The following GSK3B variants were observed in gnomAD, a reference collection of about 807,000 sequenced individuals.
GSK3B encodes the protein glycogen synthase kinase-3 beta.
GSK3B carries 15 observed loss-of-function variants against 56.4 expected under a neutral mutation model. The ratio of observed to expected loss-of-function variants is 0.27; its 90% confidence interval spans 0.18 to 0.41. GSK3B has a LOEUF of 0.41. GSK3B is among the 10% of genes least tolerant of loss of function. The probability of loss-of-function intolerance (pLI) is 1.00; values close to 1 mark genes in which losing one functional copy is unlikely to be tolerated. For synonymous variants in GSK3B, 181 were observed against 188.9 expected (o/e 0.96, Z 0.34); for missense variants, 300 against 513.4 (o/e 0.58, Z 4.02).
At chr3:119,840,500 A>G (rs2055756373) in intron 10 of GSK3B, among the ~76,000 whole-genome samples, 2 of 152,182 alleles carry the variant, frequency 1.3e-5, no homozygotes, top group South Asian at 4.1e-4. Context: ...CTGGGATTAC[A>G]GGTGTGAGCC....
intron 2 of GSK3B, among the ~76,000 whole-genome samples, chr3:119,967,424 T>G (rs938533579): frequency 6.6e-6 from 1 of 152,136 alleles, no homozygotes; most frequent in Admixed American, 6.5e-5. Context: ...ATCCTAAAAT[T>G]CATATGGAAA....
chr3:119,908,400 T>C (rs1574154), intron 6 of GSK3B, among the ~76,000 whole-genome samples: 36,808 of 152,060 alleles, frequency 0.24, 4,905 homozygotes, highest in East Asian at 0.48. Context: ...AAATTTGCTC[T>C]TGGGGAGAGT....
At chr3:120,027,885 T>C (rs1296832470) in intron 1 of GSK3B, among the ~76,000 whole-genome samples, 4 of 152,222 alleles carry the variant, frequency 2.6e-5, no homozygotes, top group African/African-American at 9.7e-5. Context: ...AAAGATAAAT[T>C]TGCTTAAAGT....
At chr3:120,092,684 T>C (rs1035093501) in intron 1 of GSK3B, among the ~76,000 whole-genome samples, 3 of 152,220 alleles carry the variant, frequency 2.0e-5, no homozygotes, top group African/African-American at 7.2e-5. Flanking sequence ...ACTTATCCAA[T>C]TGAACACAAA....
chr3:119,975,016 T>C (rs557520089), intron 2 of GSK3B, among the ~76,000 whole-genome samples: 1 of 152,350 alleles, frequency 6.6e-6, no homozygotes, highest in South Asian at 2.1e-4. Context: ...CATAAAAACC[T>C]GCACATGAAT....
intron 1 of GSK3B, among the ~76,000 whole-genome samples, chr3:120,064,327 A>G (rs1450849383): frequency 6.6e-6 from 1 of 152,008 alleles, no homozygotes; most frequent in East Asian, 1.9e-4. Flanking sequence ...AAGTTGCAGA[A>G]TATAAGATCA....
At chr3:120,055,790 G>GAGGGTAT (rs2058187110) in intron 1 of GSK3B, among the ~76,000 whole-genome samples, 1 of 152,104 alleles carries the variant, frequency 6.6e-6, no homozygotes, top group African/African-American at 2.4e-5. Context: ...AAGAATATTA[G>GAGGGTAT]CCAATTGGAG....
At chr3:119,852,622 A>G (rs922763593) in intron 9 of GSK3B, among the ~76,000 whole-genome samples, 4 of 152,222 alleles carry the variant, frequency 2.6e-5, no homozygotes, top group African/African-American at 9.6e-5. Flanking sequence ...TTCTGGGATT[A>G]GAAGTGTAAG....
chr3:119,957,504 C>T (rs753353968), intron 2 of GSK3B, among the ~76,000 whole-genome samples: 7 of 152,172 alleles, frequency 4.6e-5, no homozygotes, highest in Admixed American at 1.3e-4. Flanking sequence ...GAAGCCCTAG[C>T]ATGTAAGTCA....
intron 7 of GSK3B, among the ~76,000 whole-genome samples, chr3:119,904,322 T>C (rs551284751): frequency 2.0e-5 from 3 of 152,258 alleles, no homozygotes; most frequent in South Asian, 4.1e-4. Context: ...GAAAGCAAAC[T>C]ATTCAAATTT....
intron 1 of GSK3B, among the ~76,000 whole-genome samples, chr3:120,066,530 G>C (rs919442285): frequency 2.6e-5 from 4 of 152,180 alleles, no homozygotes; most frequent in African/African-American, 9.6e-5. Context: ...CACTGTTTCT[G>C]TCAAATGCTA....
At chr3:120,071,678 T>G (rs2058327919) in intron 1 of GSK3B, among the ~76,000 whole-genome samples, 1 of 152,128 alleles carries the variant, frequency 6.6e-6, no homozygotes, top group African/African-American at 2.4e-5. Context: ...GGGCTCCTAC[T>G]GATTCTACAC....
At chr3:119,947,801 A>C (rs1324046629) in intron 2 of GSK3B, among the ~76,000 whole-genome samples, 1 of 151,598 alleles carries the variant, frequency 6.6e-6, no homozygotes, top group African/African-American at 2.4e-5. Flanking sequence ...AAAAAAACTG[A>C]GCATCAACTC....
intron 9 of GSK3B, among the ~76,000 whole-genome samples, chr3:119,854,271 A>C (rs1391558623): frequency 6.6e-6 from 1 of 152,204 alleles, no homozygotes; most frequent in Non-Finnish European, 1.5e-5. Flanking sequence ...GATGAAGCCC[A>C]CCTGATTGTG....
intron 7 of GSK3B, among the ~76,000 whole-genome samples, chr3:119,895,382 T>C (rs1411576335): frequency 3.3e-5 from 5 of 152,186 alleles, no homozygotes; most frequent in African/African-American, 1.2e-4. Context: ...GAACAGAACT[T>C]GAGAGTACAG....
chr3:119,975,151 A>C (rs2107519071), intron 2 of GSK3B, among the ~76,000 whole-genome samples: 1 of 152,368 alleles, frequency 6.6e-6, no homozygotes, highest in Non-Finnish European at 1.5e-5. Flanking sequence ...AGCACTAGAA[A>C]GAAATGAGCT....
At chr3:119,985,726 G>A (rs1190502357) in intron 2 of GSK3B, among the ~76,000 whole-genome samples, 1 of 152,044 alleles carries the variant, frequency 6.6e-6, no homozygotes, top group African/African-American at 2.4e-5. Flanking sequence ...TCATGGATAG[G>A]AAAAATCAAT....
At chr3:119,952,994 G>T (rs1402098345) in intron 2 of GSK3B, among the ~76,000 whole-genome samples, 11 of 151,948 alleles carry the variant, frequency 7.2e-5, no homozygotes, top group African/African-American at 1.9e-4. Flanking sequence ...TTCATTAAAA[G>T]ACAGAATATG....
chr3:119,922,089 A>G (rs2056844927), intron 4 of GSK3B, among the ~76,000 whole-genome samples: 1 of 151,868 alleles, frequency 6.6e-6, no homozygotes, highest in Admixed American at 6.6e-5. Context: ...GTGAGCCGAG[A>G]TTGTGCCACT....
Sources: allele counts gnomAD v4.1 joint callset (sites outside exome capture counted in the v4.1 genomes callset), GRCh38; gene constraint gnomAD v4.1.1; transcripts MANE v1.5; gene names NCBI Gene and HGNC (gene_info 2026-07-23, HGNC 2026-07-21).